Variants in COL5A2 observed in about 807,000 individuals in gnomAD.
The protein encoded by COL5A2 is collagen type V alpha 2 chain, also known as collagen alpha-2(V) chain.
COL5A2 carries 23 observed loss-of-function variants against 208.2 expected under a neutral mutation model. The ratio of observed to expected loss-of-function variants is 0.11; its 90% CI spans 0.08 to 0.16. COL5A2 has a LOEUF of 0.16. COL5A2 is among the 10% of genes least tolerant of loss of function. The pLI, the probability that COL5A2 is intolerant of heterozygous loss-of-function variation, is 1.00. For synonymous variants in COL5A2, 625 were observed against 628.5 expected (o/e 0.99, Z 0.08); for missense variants, 1,590 against 1,956.4 (o/e 0.81, Z 3.53).
the COL5A2 span, among the ~76,000 whole-genome samples, chr2:189,403,225 G>A: frequency 4.6e-5 from 7 of 152,140 alleles, no homozygotes; most frequent in African/African-American, 1.4e-4. Flanking sequence ...TGTTATTGGT[G>A]TACAGGAATG....
chr2:189,404,407 T>C, the COL5A2 span, among the ~76,000 whole-genome samples: 129,828 of 152,142 alleles, frequency 0.85, 56,543 homozygotes, highest in Non-Finnish European at 0.95. Context: ...TCCTGTGTTT[T>C]GAGCCTTTGG....
At chr2:189,154,618 G>A (rs189257120) in intron 1 of COL5A2, among the ~76,000 whole-genome samples, 100 of 152,230 alleles carry the variant, frequency 6.6e-4, no homozygotes, top group East Asian at 6.0e-3. Context: ...CTCTGTGGCC[G>A]TCAAAATGAA....
the COL5A2 span, among the ~76,000 whole-genome samples, chr2:189,411,470 A>G: frequency 1.3e-5 from 2 of 152,304 alleles, no homozygotes; most frequent in East Asian, 1.9e-4. Context: ...TGTTCATTCT[A>G]ATAACTCCAC....
the COL5A2 span, among the ~76,000 whole-genome samples, chr2:189,272,354 C>T: frequency 6.6e-6 from 1 of 152,186 alleles, no homozygotes; most frequent in East Asian, 1.9e-4. Context: ...AGTTCATGTC[C>T]TTTGCAGGGC....
At chr2:189,212,990 G>A (rs758795449) in intron 1 of COL5A2, among the ~76,000 whole-genome samples, 2 of 151,990 alleles carry the variant, frequency 1.3e-5, no homozygotes, top group South Asian at 4.2e-4. Context: ...CTGGGCTCAA[G>A]CAATTCTCCT....
chr2:189,324,644 G>A, the COL5A2 span, among the ~76,000 whole-genome samples: 26 of 152,276 alleles, frequency 1.7e-4, no homozygotes, highest in African/African-American at 4.3e-4. Flanking sequence ...TTAGAATGGC[G>A]ATCATTAAAA....
In COL5A2 at chr2:189,068,753, C is replaced by A. The variant is rs1164212313; in HGVS notation, c.1257+33G>T. 5 of 1,436,962 alleles carry A rather than the reference C, an allele frequency of 3.5e-6. No individual in the cohort carries two copies. In the African/African-American group the frequency reaches 4.2e-5, roughly 12 times the overall value. 89.0% of individuals were successfully genotyped at this position (1,436,962 alleles called of 1,614,324 possible). ...GATGTTACAAGAAATGTCCAGCTTT[C>A]TGGGCTGGTTCTTAAATATGCTAGA... On this transcript the variant is annotated intron_variant, in intron 19 of 53. Transcript: ENST00000374866.
Position 189,033,383 on chromosome 2 carries a change from T to C in COL5A2, c.*687A>G, listed in dbSNP as rs886284052. On this transcript the variant is annotated 3_prime_UTR_variant, in exon 54 of 54. Transcript: ENST00000374866. ...AAAGATGTCTAAACTTATAGTCTTT[T>C]ACAAAAATTTAAGAAGTCGAAGTAA... 13 of 152,696 alleles carry C rather than the reference T, an allele frequency of 8.5e-5. No homozygotes were observed. The highest frequency in any genetic ancestry group is 2.9e-4 in the African/African-American group (12 of 41,434). The allele number at this position is 152,696 out of a possible 1,614,324, so 9.5% of individuals were successfully genotyped here.
At chr2:189,331,262 G>A in the COL5A2 span, among the ~76,000 whole-genome samples, 1 of 152,284 alleles carries the variant, frequency 6.6e-6, no homozygotes, top group Non-Finnish European at 1.5e-5. Flanking sequence ...CAGGTGCAGT[G>A]GCTCACACCT....
the COL5A2 span, among the ~76,000 whole-genome samples, chr2:189,290,758 T>TCACACACAC: frequency 1.9e-5 from 1 of 51,300 alleles, no homozygotes; most frequent in Non-Finnish European, 4.6e-5. Flanking sequence ...ACACACACAT[T>TCACACACAC]ATTATATACA....
intron 30 of COL5A2, 102 bp downstream of exon 30, chr2:189,061,460 A>C: frequency 2.2e-6 from 2 of 922,642 alleles, no homozygotes; most frequent in Non-Finnish European, 3.5e-6. Flanking sequence ...TGACTTTTTG[A>C]AAATTGTAGA....
At chr2:189,279,638 T>A in the COL5A2 span, among the ~76,000 whole-genome samples, 1 of 152,048 alleles carries the variant, frequency 6.6e-6, no homozygotes, top group Non-Finnish European at 1.5e-5. Context: ...AGATGTATTA[T>A]TTTTATAGCT....
rs116416752 is a variant in COL5A2 at position 189,140,052 on chromosome 2, G to A, written c.98-29603C>T. Among the ~76,000 whole-genome samples the A allele has an allele frequency of 8.3e-3, 1,257 of 151,824 alleles. 15 individuals are homozygous for A. The highest frequency in any genetic ancestry group is 0.028 in the African/African-American group (1,163 of 41,432). ...GGCGCCGCTGCACTCCAGTCTGGGCGACACAGAGAGACTCTATCTCAAAAA... is the reference window on the plus strand; with the variant it reads ...GGCGCCGCTGCACTCCAGTCTGGGCAACACAGAGAGACTCTATCTCAAAAA... On this transcript the variant is annotated intron_variant, in intron 1 of 53. Coordinates refer to ENST00000374866, the MANE Select transcript of COL5A2 (RefSeq NM_000393.5).
upstream of COL5A2, among the ~76,000 whole-genome samples, chr2:189,184,876 A>T (rs190553980): frequency 1.8e-4 from 27 of 152,334 alleles, no homozygotes; most frequent in East Asian, 4.8e-3. Flanking sequence ...GTAGGCAGGA[A>T]GCCATTATGG....
chr2:189,115,616 A>G (rs1228847625), intron 1 of COL5A2, among the ~76,000 whole-genome samples: 1 of 152,202 alleles, frequency 6.6e-6, no homozygotes, highest in Non-Finnish European at 1.5e-5. Flanking sequence ...CACGTGTTAT[A>G]AAAATTTTAA....
At chr2:189,264,367 G>A in the COL5A2 span, among the ~76,000 whole-genome samples, 1 of 152,100 alleles carries the variant, frequency 6.6e-6, no homozygotes, top group African/African-American at 2.4e-5. Flanking sequence ...ATACTATGCA[G>A]TCATGAAAAT....
the COL5A2 span, among the ~76,000 whole-genome samples, chr2:189,400,456 T>G: frequency 1.3e-5 from 2 of 152,208 alleles, no homozygotes; most frequent in Admixed American, 6.5e-5. Context: ...CCCATTAACT[T>G]TTTTCAGTTA....
At chr2:189,038,685 A>C (rs1403254390) in intron 51 of COL5A2, among the ~76,000 whole-genome samples, 1 of 150,060 alleles carries the variant, frequency 6.7e-6, no homozygotes, top group Non-Finnish European at 1.5e-5. Context: ...AAGCCTTGTC[A>C]GTATCTGTTT....
At chr2:189,269,940 A>G in the COL5A2 span, among the ~76,000 whole-genome samples, 3 of 152,158 alleles carry the variant, frequency 2.0e-5, no homozygotes, top group South Asian at 4.1e-4. Context: ...CAGGGATTCA[A>G]CTTCTTCCTG....
Sources: allele counts gnomAD v4.1 joint callset (sites outside exome capture counted in the v4.1 genomes callset), GRCh38; gene constraint gnomAD v4.1.1; transcripts MANE v1.5; gene names NCBI Gene and HGNC (gene_info 2026-07-23, HGNC 2026-07-21).